SH2D3C: variants seen among roughly 807,000 people sequenced by gnomAD.
SH2D3C encodes SH2 domain-containing protein 3C.
Under a neutral mutation model 75.2 loss-of-function variants are expected in SH2D3C, and 25 were observed. The ratio of observed to expected loss-of-function variants is 0.33; its 90% CI spans 0.24 to 0.46. The LOEUF (loss-of-function observed/expected upper bound fraction) is 0.46, where lower values mean the gene tolerates loss of function less well. SH2D3C is among the 20% of genes least tolerant of loss of function. The pLI is 1.00. For synonymous variants in SH2D3C, 450 were observed against 473.7 expected (o/e 0.95, Z 0.65); for missense variants, 933 against 1,165.3 (o/e 0.80, Z 2.90).
intron 3 of SH2D3C, among the ~76,000 whole-genome samples, chr9:127,759,048 C>T (rs536224870): frequency 1.7e-4 from 26 of 152,354 alleles, no homozygotes; most frequent in African/African-American, 6.0e-4. Flanking sequence ...CTCACTGAAG[C>T]CATAGCAACC....
chr9:127,755,114 A>G, intron 3 of SH2D3C: 1 of 1,218,158 alleles, frequency 8.2e-7, no homozygotes, highest in Non-Finnish European at 1.0e-6. Flanking sequence ...TAGAAGCAGC[A>G]GGCGGCGGCC....
At position 127,754,722 on chromosome 9, in the gene SH2D3C, G is replaced by T. The variant is rs1845309230; in HGVS notation, c.556-3422C>A. 1 of 421,208 alleles carries T rather than the reference G, an allele frequency of 2.4e-6. No individual in the cohort carries two copies. The highest frequency in any genetic ancestry group is 1.7e-5 in the South Asian group (1 of 59,154). The allele number at this position is 421,208 out of a possible 1,614,324, so 26.1% of individuals were successfully genotyped here. ...TACAATGGGGAGCCAGGGTGCCCAG[G>T]TCAGCCGCAAGGGCCAGCGTACCAG... On this transcript the variant is annotated intron_variant, in intron 3 of 11. Coordinates refer to ENST00000314830, the MANE Select transcript of SH2D3C (RefSeq NM_170600.3). This position sits in a 1 kb window ranked among gnomAD's most constrained non-coding sequence, Gnocchi z 4.4.
intron 8 of SH2D3C, among the ~76,000 whole-genome samples, 170 bp from the exon 9 acceptor site, chr9:127,742,129 C>T (rs1844880514): frequency 1.3e-5 from 2 of 152,066 alleles, no homozygotes; most frequent in Non-Finnish European, 2.9e-5. Flanking sequence ...AAAGCAAGGC[C>T]TCGGGCTTCT....
intron 2 of SH2D3C, among the ~76,000 whole-genome samples, chr9:127,767,902 TC>T (rs1364109080): frequency 6.6e-6 from 1 of 152,078 alleles, no homozygotes; most frequent in Non-Finnish European, 1.5e-5. Context: ...ACCCCTATCC[TC>T]CCCAGCCCTC....
intron 2 of SH2D3C, chr9:127,771,264 C>T (rs949575282): frequency 2.0e-6 from 3 of 1,534,178 alleles, no homozygotes; most frequent in Admixed American, 4.2e-5. Flanking sequence ...AACCCGGGGA[C>T]CTCCTAAACC....
chr9:127,764,597 C>A (rs1341796253), intron 2 of SH2D3C, among the ~76,000 whole-genome samples: 2 of 152,208 alleles, frequency 1.3e-5, no homozygotes, highest in East Asian at 3.8e-4. Context: ...CTGCGCTGCT[C>A]CATCTCCCCC....
rs112979211 is a variant in SH2D3C, at chr9:127,741,314, C to T, written c.2088+474G>A. Among the ~76,000 whole-genome samples the T allele has an allele frequency of 7.2e-3, 1,076 of 150,022 alleles. 12 individuals carry two copies. Among genetic ancestry groups the T allele is most frequent in the African/African-American group, 0.025 (1,004 of 40,620 alleles). On this transcript the variant is annotated intron_variant, in intron 9 of 11. Coordinates refer to ENST00000314830, the MANE Select transcript of SH2D3C (RefSeq NM_170600.3). ...GGAGTGCAGTGGCGCAATCTTGGCT[C>T]ACTGCAACCTCTGCCTCCCTGGTTC...
chr9:127,755,091 G>C, intron 3 of SH2D3C: 9 of 1,212,578 alleles, frequency 7.4e-6, no homozygotes, highest in Non-Finnish European at 8.2e-6. Flanking sequence ...GCACCTGCAC[G>C]AAGGAGCCGC....
rs1183071169 is a variant in SH2D3C at position 127,754,617 on chromosome 9, GC to G, written c.556-3318del. Among the ~76,000 whole-genome samples, 1 of 152,078 alleles carries G rather than the reference GC, an allele frequency of 6.6e-6. No individual in the cohort carries two copies. Among genetic ancestry groups the G allele is most frequent in the African/African-American group, 2.4e-5 (1 of 41,410 alleles). On this transcript the variant is annotated intron_variant, in intron 3 of 11. Transcript: ENST00000314830. The surrounding 1 kb of genome is among the most constrained non-coding windows in gnomAD (Gnocchi z 4.4). ...GGGCGGGAGGGTGGCGGGCGCTCTGGCCCCAACCCTGGCATCCGAAGCATCC... is the reference window on the plus strand; with the variant it reads ...GGGCGGGAGGGTGGCGGGCGCTCTGGCCCAACCCTGGCATCCGAAGCATCC...
At chr9:127,757,632 TG>T (rs1564419807) in intron 3 of SH2D3C, among the ~76,000 whole-genome samples, 2,389 of 120,026 alleles carry the variant, frequency 0.02, 68 homozygotes, top group African/African-American at 0.049. Flanking sequence ...ATGATGATGA[TG>T]ATGATGATGA....
intron 9 of SH2D3C, 55 bp from the exon 10 acceptor site, chr9:127,740,424 C>T (rs1319906694): frequency 4.0e-6 from 5 of 1,251,032 alleles, no homozygotes; most frequent in Non-Finnish European, 3.5e-6. Context: ...CAGGGGCCAC[C>T]CTGCTGCCCT....
At chr9:127,762,539 T>A (rs1042128824) in intron 2 of SH2D3C, 2 of 411,606 alleles carry the variant, frequency 4.9e-6, no homozygotes, top group African/African-American at 4.1e-5. Context: ...CCAAAAACCC[T>A]GTGGTCCTTT....
intron 2 of SH2D3C, among the ~76,000 whole-genome samples, chr9:127,762,636 C>G (rs542235980): frequency 1.3e-5 from 2 of 152,246 alleles, no homozygotes; most frequent in African/African-American, 4.8e-5. Context: ...ATGTCCACCC[C>G]GTCCCCAAAG....
At chr9:127,777,851 T>C (rs778714942) in intron 1 of SH2D3C, among the ~76,000 whole-genome samples, 1 of 150,040 alleles carries the variant, frequency 6.7e-6, no homozygotes, top group Admixed American at 6.6e-5. Context: ...GAGACAGTGA[T>C]GGACAAAGAG....
At position 127,778,572 on chromosome 9, in the gene SH2D3C, G is replaced by GA. The variant is rs979943738; in HGVS notation, c.37+18dup. 3 of 1,602,444 alleles carry GA rather than the reference G, an allele frequency of 1.9e-6. No individual in the cohort carries two copies. The highest frequency in any genetic ancestry group is 2.6e-6 in the Non-Finnish European group (3 of 1,169,446). On this transcript the variant is annotated intron_variant, in intron 1 of 11. Coordinates refer to ENST00000314830, the MANE Select transcript of SH2D3C (RefSeq NM_170600.3). ...AGAGCCAGGGATGGAGGACAGTGCA[G>GA]ACGGCACCCCACACTCACTGAACTT...
chr9:127,762,470 C>T, intron 2 of SH2D3C: 4 of 506,476 alleles, frequency 7.9e-6, no homozygotes, highest in Admixed American at 7.1e-5. Flanking sequence ...CTCCTCCCTG[C>T]CCCCTCCCCA....
intron 8 of SH2D3C, among the ~76,000 whole-genome samples, chr9:127,742,285 G>A (rs927268954): frequency 6.6e-6 from 1 of 152,240 alleles, no homozygotes; most frequent in African/African-American, 2.4e-5. Flanking sequence ...CGCCCAGTCT[G>A]GAGTGCAATG....
At position 127,739,863 on chromosome 9, in the gene SH2D3C, C is replaced by T. The variant is rs1162975666; in HGVS notation, c.2226G>A (p.Thr742=). The T allele has an allele frequency of 3.2e-6, 5 of 1,553,712 alleles. No homozygotes were observed. Among genetic ancestry groups the T allele is most frequent in the African/African-American group, 1.4e-5 (1 of 73,684 alleles). ...TGATGAGGGGCAGCACATGAGGAAA[C>T]GTGGTGTTGCTCAGCGGCGGGCCTT... The part of the protein sequence containing the change: ...GKEGPPLSNT[T]FPHVLPLITL... The change falls in exon 11 of 12, where the codon ACG becomes ACA. Residue 742 remains threonine (T), a synonymous_variant. Transcript: ENST00000314830. This position sits in a 1 kb window ranked among gnomAD's most constrained non-coding sequence, Gnocchi z 4.3.
chr9:127,741,459 G>C (rs566776614), intron 9 of SH2D3C, among the ~76,000 whole-genome samples: 27 of 151,728 alleles, frequency 1.8e-4, no homozygotes, highest in Middle Eastern at 3.4e-3. Flanking sequence ...GGCTGGTCTT[G>C]AACCTCTGAC....
Sources: gnomAD v4.1 joint callset for allele counts (sites outside exome capture counted in the v4.1 genomes callset) on GRCh38, gnomAD v4.1.1 for gene constraint, Gnocchi (gnomAD v3.1) non-coding constraint, MANE v1.5 for transcripts, NCBI Gene and HGNC (gene_info 2026-07-23, HGNC 2026-07-21) for gene names.